Variants in NAP1L2 observed in about 807,000 individuals in gnomAD.
NAP1L2 encodes the protein nucleosome assembly protein 1 like 2, also known as nucleosome assembly protein 1-like 2.
For missense variants in NAP1L2, 376 were observed against 338.5 expected, an observed-to-expected ratio of 1.11 and a Z score of -0.87; for synonymous variants, 165 against 126.0, an observed-to-expected ratio of 1.31 and a Z score of -2.07.
rs748894700 is a variant in NAP1L2, at chrX:73,213,710, A to G, written c.783T>C (p.Tyr261=). ...VDTLTPLIKK[Y]DEPILKLLTD... ...TCAGGAGCTTCAGAATAGGCTCATCATATTTCTTAATCAAAGGAGTGAGTG... is the reference window on the plus strand; with the variant it reads ...TCAGGAGCTTCAGAATAGGCTCATCGTATTTCTTAATCAAAGGAGTGAGTG... The change falls in exon 1 of 1, where the codon TAT becomes TAC. Residue 261 remains tyrosine (Y), a synonymous_variant. Coordinates refer to ENST00000373517, the MANE Select transcript of NAP1L2 (RefSeq NM_021963.4). 8.3e-6 allele frequency: 10 copies of G among 1,209,922 alleles called. No individual in the cohort carries two copies. Among genetic ancestry groups the G allele is most frequent in the South Asian group, 5.3e-5 (3 of 56,763 alleles).
In NAP1L2 at chrX:73,214,021, T is replaced by C; in HGVS notation, c.472A>G (p.Ile158Val). Residue 158 changes from isoleucine (I) to valine (V), a missense_variant, in exon 1 of 1, where the codon ATC becomes GTC. By Grantham distance (29) the Ile-to-Val change is conservative. Transcript: ENST00000373517. The stretch of plus-strand genomic sequence containing the variant: ...CATTCCTCTTCTGTAGGTTCATAGA[T>C]TGCATTGATGATCTGACGTCTTTTT... ...LEKRRQIINA[I>V]YEPTEEECEY... 1 of 1,211,378 alleles carries C rather than the reference T, an allele frequency of 8.3e-7. No individual in the cohort carries two copies. The highest frequency in any genetic ancestry group is 1.1e-6 in the Non-Finnish European group (1 of 895,358).
At position 73,213,868 on chromosome X, in the gene NAP1L2, CATA is replaced by C. The variant is rs777526366; in HGVS notation, c.622_624del (p.Tyr208del). The C allele has an allele frequency of 1.1e-5, 13 of 1,211,051 alleles. No homozygotes were observed. Among genetic ancestry groups the C allele is most frequent in the South Asian group, 1.8e-5 (1 of 56,885 alleles). On this transcript the variant is annotated inframe_deletion, in exon 1 of 1. Transcript: ENST00000373517. ...TCCTCCTCCTCTTCCACAGCATAAT[CATA>C]ATAATAGTCCTCATAACCATCGTCC... is the stretch of plus-strand genomic sequence containing the variant.
In NAP1L2 at chrX:73,213,275, T is replaced by C. The variant is rs1418166461; in HGVS notation, c.1218A>G (p.Leu406=). ...ATTCCAGTGCATCACCTGAGAAAAA[T>C]AATACTGATCTTGGAATTATGTAAG... ...LRTYIIPRSV[L]FFSGDALESQ... Residue 406 remains leucine, a synonymous_variant, in exon 1 of 1, where the codon TTA becomes TTG. Coordinates refer to ENST00000373517, the MANE Select transcript of NAP1L2 (RefSeq NM_021963.4). 1 of 1,210,016 alleles carries C rather than the reference T, an allele frequency of 8.3e-7. No individual in the cohort carries two copies. Among genetic ancestry groups the C allele is most frequent in the Admixed American group, 2.2e-5 (1 of 45,802 alleles).
In NAP1L2 at chrX:73,214,779, C is replaced by T; in HGVS notation, c.-287G>A. Reference sequence around the variant, plus strand: ...GGAGACTGCAGAGAGCTGCAGTGGGCAGACCTCCTCCGCAAGCAGCTACTG... The same window carrying T: ...GGAGACTGCAGAGAGCTGCAGTGGGTAGACCTCCTCCGCAAGCAGCTACTG... On this transcript the variant is annotated 5_prime_UTR_variant, in exon 1 of 1. Coordinates refer to ENST00000373517, the MANE Select transcript of NAP1L2 (RefSeq NM_021963.4). 1 of 263,394 alleles carries T rather than the reference C, an allele frequency of 3.8e-6. No individual in the cohort carries two copies. Among genetic ancestry groups the T allele is most frequent in the Non-Finnish European group, 7.1e-6 (1 of 141,329 alleles). 21.7% of individuals were successfully genotyped at this position (263,394 alleles called of 1,213,427 possible).
At position 73,213,818 on chromosome X, in the gene NAP1L2, C is replaced by A; in HGVS notation, c.675G>T (p.Glu225Asp). ...CTTCTTTATTCTCTTCTCCAGTAGCCTCAATGTCGTCCTCCTCCTCCTCCT... is the reference window on the plus strand; with the variant it reads ...CTTCTTTATTCTCTTCTCCAGTAGCATCAATGTCGTCCTCCTCCTCCTCCT... ...EEEEEEEDDIEATGEENKEEE... is the reference protein window; with the variant it reads ...EEEEEEEDDIDATGEENKEEE... Residue 225 changes from glutamate to aspartate, a missense_variant, in exon 1 of 1, where the codon GAG becomes GAT. Glu to Asp is a conservative substitution (Grantham distance 45). Coordinates refer to ENST00000373517, the MANE Select transcript of NAP1L2 (RefSeq NM_021963.4). The A allele has an allele frequency of 8.3e-7, 1 of 1,210,472 alleles. No homozygotes were observed. Among genetic ancestry groups the A allele is most frequent in the South Asian group, 1.8e-5 (1 of 56,837 alleles).
chrX:73,213,230 A>T lies in NAP1L2; in HGVS notation c.1263T>A (p.Val421=). The change falls in exon 1 of 1, where the codon GTT becomes GTA. Residue 421 remains valine (V), a synonymous_variant. Coordinates refer to ENST00000373517, the MANE Select transcript of NAP1L2 (RefSeq NM_021963.4). ...CATAAATTGCATCATTAACTTCTCTAACTACCCCCTCCTGCTGAGATTCCA... is the reference window on the plus strand; with the variant it reads ...CATAAATTGCATCATTAACTTCTCTTACTACCCCCTCCTGCTGAGATTCCA... The part of the protein sequence containing the change: ...DALESQQEGV[V]REVNDAIYDK... The T allele has an allele frequency of 8.3e-7, 1 of 1,211,087 alleles. No homozygotes were observed. Among genetic ancestry groups the T allele is most frequent in the Non-Finnish European group, 1.1e-6 (1 of 894,795 alleles).
Position 73,213,590 on chromosome X carries a change from C to G in NAP1L2, c.903G>C (p.Leu301Phe). 8.3e-7 allele frequency: 1 copy of G among 1,211,577 alleles called. No individual in the cohort carries two copies. Residue 301 changes from leucine (L) to phenylalanine (F), a missense_variant, in exon 1 of 1, where the codon TTG becomes TTC. Coordinates refer to ENST00000373517, the MANE Select transcript of NAP1L2 (RefSeq NM_021963.4). ...FKPNEYFKNE[L>F]LTKTYVLKSK... ...ACTTCAGCACATAGGTCTTTGTCAACAACTCATTTTTGAAATATTCATTGG... is the reference window on the plus strand; with the variant it reads ...ACTTCAGCACATAGGTCTTTGTCAAGAACTCATTTTTGAAATATTCATTGG...
In NAP1L2 at chrX:73,214,222, G is replaced by A. The variant is rs912612225; in HGVS notation, c.271C>T (p.Leu91Phe). ...EDSEADRPKG[L>F]IGYVLDTDFV... ...TCTGTATCTAAAACATAACCGATAA[G>A]TCCTTTTGGACGGTCTGCCTCTGAG... Residue 91 changes from leucine (L) to phenylalanine (F), a missense_variant, in exon 1 of 1, where the codon CTT becomes TTT. Coordinates refer to ENST00000373517, the MANE Select transcript of NAP1L2 (RefSeq NM_021963.4). The A allele has an allele frequency of 1.7e-5, 21 of 1,209,298 alleles. No homozygotes were observed. Among genetic ancestry groups the A allele is most frequent in the Non-Finnish European group, 2.2e-5 (20 of 895,166 alleles).
chrX:73,213,077 G>A lies in NAP1L2; in HGVS notation c.*33C>T. The A allele has an allele frequency of 8.8e-7, 1 of 1,131,432 alleles. No homozygotes were observed. The highest frequency in any genetic ancestry group is 2.2e-5 in the South Asian group (1 of 46,258). 93.2% of individuals were successfully genotyped at this position (1,131,432 alleles called of 1,213,427 possible). A position where few individuals can be genotyped will look rare whatever the true frequency, so the allele number is the denominator to read the frequency against. On this transcript the variant is annotated 3_prime_UTR_variant, in exon 1 of 1. Coordinates refer to ENST00000373517, the MANE Select transcript of NAP1L2 (RefSeq NM_021963.4). ...TTATACCTTGAGTAACTATATCTAG[G>A]GCAGTTAATTTCAGGGCCATGTATA...
rs770137919 is a variant in NAP1L2 at position 73,214,511 on chromosome X, C to G, written c.-19G>C. On this transcript the variant is annotated 5_prime_UTR_variant, in exon 1 of 1. Transcript: ENST00000373517. The stretch of plus-strand genomic sequence containing the variant: ...CGGCCATTTTTCAAAGGACCGTACA[C>G]GCCTAAGGTGGCTACCACAGAGATC... 7.6e-6 allele frequency: 9 copies of G among 1,187,065 alleles called. No individual in the cohort carries two copies. Among genetic ancestry groups the G allele is most frequent in the Admixed American group, 2.3e-5 (1 of 43,770 alleles).
chrX:73,213,803 C>G lies in NAP1L2; in HGVS notation c.690G>C (p.Glu230Asp), dbSNP rs868225795. 2.1e-5 allele frequency: 25 copies of G among 1,208,713 alleles called. No individual in the cohort carries two copies. The highest frequency in any genetic ancestry group is 2.8e-5 in the Non-Finnish European group (25 of 894,978). The change falls in exon 1 of 1, where the codon GAG becomes GAC. Residue 230 changes from glutamate to aspartate, a missense_variant. Glu to Asp is a conservative substitution (Grantham distance 45). Transcript: ENST00000373517. ...CCTTAGGATCCTCCTCTTCTTTATTCTCTTCTCCAGTAGCCTCAATGTCGT... is the reference window on the plus strand; with the variant it reads ...CCTTAGGATCCTCCTCTTCTTTATTGTCTTCTCCAGTAGCCTCAATGTCGT... Reference protein sequence around the residue: ...EEDDIEATGEENKEEEDPKGI... With the variant: ...EEDDIEATGEDNKEEEDPKGI...
Position 73,214,289 on chromosome X carries a change from C to A in NAP1L2, c.204G>T (p.Gly68=), listed in dbSNP as rs2056146677. The part of the protein sequence containing the change: ...EGENGEDTAA[G]SGEDGKKGGD... ...CACCTTTTTTCCCATCTTCCCCGGA[C>A]CCAGCAGCAGTATCTTCACCGTTTT... Residue 68 remains glycine (G), a synonymous_variant, in exon 1 of 1, where the codon GGG becomes GGT. Coordinates refer to ENST00000373517, the MANE Select transcript of NAP1L2 (RefSeq NM_021963.4). 8.3e-7 allele frequency: 1 copy of A among 1,208,759 alleles called. No homozygotes were observed. The highest frequency in any genetic ancestry group is 3.0e-5 in the East Asian group (1 of 33,712).
chrX:73,212,413 A>G lies in NAP1L2; in HGVS notation c.*697T>C, dbSNP rs2147965837. 1 of 112,348 alleles carries G rather than the reference A, an allele frequency of 8.9e-6. No homozygotes were observed. The highest frequency in any genetic ancestry group is 2.8e-4 in the East Asian group (1 of 3,597). 9.3% of individuals were successfully genotyped at this position (112,348 alleles called of 1,213,427 possible). A position where few individuals can be genotyped will look rare whatever the true frequency, so the allele number is the denominator to read the frequency against. ...CTTTCAATGAATGATGTAATAGGAA[A>G]AGAGAATTAAACACTGTAATTATGG... On this transcript the variant is annotated 3_prime_UTR_variant, in exon 1 of 1. Coordinates refer to ENST00000373517, the MANE Select transcript of NAP1L2 (RefSeq NM_021963.4).
Position 73,212,887 on chromosome X carries a change from C to G in NAP1L2, c.*223G>C. 1 of 343,027 alleles carries G rather than the reference C, an allele frequency of 2.9e-6. No individual in the cohort carries two copies. Among genetic ancestry groups the G allele is most frequent in the Non-Finnish European group, 5.0e-6 (1 of 198,540 alleles). The allele number at this position is 343,027 out of a possible 1,213,427, so 28.3% of individuals were successfully genotyped here. On this transcript the variant is annotated 3_prime_UTR_variant, in exon 1 of 1. Coordinates refer to ENST00000373517, the MANE Select transcript of NAP1L2 (RefSeq NM_021963.4). ...AAGACTTCAGAAGGATTAAGCTACA[C>G]AACACTATACTAGTGTTTTAAATCA... is the stretch of plus-strand genomic sequence containing the variant.
At position 73,213,700 on chromosome X, in the gene NAP1L2, T is replaced by A; in HGVS notation, c.793A>T (p.Ile265Phe). 8.3e-7 allele frequency: 1 copy of A among 1,211,864 alleles called. No individual in the cohort carries two copies. Among genetic ancestry groups the A allele is most frequent in the East Asian group, 3.0e-5 (1 of 33,843 alleles). Residue 265 changes from isoleucine (I) to phenylalanine (F), a missense_variant, in exon 1 of 1, where the codon ATT (isoleucine) becomes TTT (phenylalanine). By Grantham distance (21) the Ile-to-Phe change is conservative. Transcript: ENST00000373517. ...TPLIKKYDEPILKLLTDIKVK... is the reference protein window; with the variant it reads ...TPLIKKYDEPFLKLLTDIKVK... ...TTAATATCTGTCAGGAGCTTCAGAA[T>A]AGGCTCATCATATTTCTTAATCAAA...
chrX:73,214,299 G>GT lies in NAP1L2; in HGVS notation c.193dup (p.Thr65AsnfsTer16). The stretch of plus-strand genomic sequence containing the variant: ...CCCATCTTCCCCGGACCCAGCAGCA[G>GT]TATCTTCACCGTTTTCCCCTTCTTC... On this transcript the variant is annotated frameshift_variant, in exon 1 of 1. Coordinates refer to ENST00000373517, the MANE Select transcript of NAP1L2 (RefSeq NM_021963.4). LOFTEE classifies it low-confidence loss of function (END_TRUNC). 8.3e-7 allele frequency: 1 copy of GT among 1,211,247 alleles called. No individual in the cohort carries two copies. The highest frequency in any genetic ancestry group is 2.2e-5 in the Admixed American group (1 of 45,917).
At position 73,214,298 on chromosome X, in the gene NAP1L2, A is replaced by G. The variant is rs1392195027; in HGVS notation, c.195T>C (p.Thr65=). The G allele has an allele frequency of 4.1e-5, 49 of 1,208,617 alleles. No homozygotes were observed. The highest frequency in any genetic ancestry group is 8.8e-5 in the Admixed American group (4 of 45,537). The change falls in exon 1 of 1, where the codon ACT becomes ACC. Residue 65 remains threonine (T), a synonymous_variant. Transcript: ENST00000373517. ...TCCCATCTTCCCCGGACCCAGCAGC[A>G]GTATCTTCACCGTTTTCCCCTTCTT... ...LGEEGENGED[T]AAGSGEDGKK...
chrX:73,214,415 C>A lies in NAP1L2; in HGVS notation c.78G>T (p.Gly26=). 1 of 1,211,466 alleles carries A rather than the reference C, an allele frequency of 8.3e-7. No homozygotes were observed. The highest frequency in any genetic ancestry group is 1.1e-6 in the Non-Finnish European group (1 of 895,480). The change falls in exon 1 of 1, where the codon GGG becomes GGT. Residue 26 remains glycine, a synonymous_variant. Coordinates refer to ENST00000373517, the MANE Select transcript of NAP1L2 (RefSeq NM_021963.4). ...EEAGNQIMVE[G]LGEHLERGED... ...CACCGCGCTCCAGATGTTCCCCGAG[C>A]CCTTCCACCATTATCTGATTACCAG...
chrX:73,213,150 C>T lies in NAP1L2; in HGVS notation c.1343G>A (p.Cys448Tyr). 8.3e-7 allele frequency: 1 copy of T among 1,209,012 alleles called. No individual in the cohort carries two copies. Among genetic ancestry groups the T allele is most frequent in the South Asian group, 1.8e-5 (1 of 56,386 alleles). ...TTCTACTAATGCCTCAAGGTTTTTGCAACAAGCTTTAACTTCCTCAATTGC... is the reference window on the plus strand; with the variant it reads ...TTCTACTAATGCCTCAAGGTTTTTGTAACAAGCTTTAACTTCCTCAATTGC... Reference protein sequence around the residue: ...MAAIEEVKACCKNLEALVEDI... With the variant: ...MAAIEEVKACYKNLEALVEDI... The change falls in exon 1 of 1, where the codon TGC (cysteine) becomes TAC (tyrosine). Residue 448 changes from cysteine (C) to tyrosine (Y), a missense_variant. Cys to Tyr is a radical substitution (Grantham distance 194). Coordinates refer to ENST00000373517, the MANE Select transcript of NAP1L2 (RefSeq NM_021963.4).
Sources: gnomAD v4.1 joint callset for allele counts on GRCh38, gnomAD v4.1.1 for gene constraint, MANE v1.5 for transcripts, NCBI Gene and HGNC (gene_info 2026-07-23, HGNC 2026-07-21) for gene names.